Variants in XKR6 observed in about 807,000 individuals in gnomAD.
XKR6 encodes XK-related protein 6.
Under a neutral mutation model 56.7 loss-of-function variants are expected in XKR6, and 22 were observed. That is an observed-to-expected ratio of 0.39 (90% CI 0.28 to 0.55). The LOEUF is 0.55. XKR6 is among the 20% of genes least tolerant of loss of function. The pLI is 0.66. For synonymous variants in XKR6, 524 were observed against 387.8 expected, an observed-to-expected ratio of 1.35 and a Z score of -4.13; for missense variants, 852 against 889.0, an observed-to-expected ratio of 0.96 and a Z score of 0.53.
At chr8:11,118,702 CTTCTT>C (rs1471334466) in intron 1 of XKR6, among the ~76,000 whole-genome samples, 9 of 152,022 alleles carry the variant, frequency 5.9e-5, no homozygotes, top group Non-Finnish European at 1.3e-4. Context: ...TCTCTCTTTT[CTTCTT>C]TATTAGTCTT....
intron 1 of XKR6, among the ~76,000 whole-genome samples, chr8:11,072,925 C>T (rs1800171028): frequency 6.6e-6 from 1 of 152,196 alleles, no homozygotes; most frequent in South Asian, 2.1e-4. Context: ...TGGCGGGTGC[C>T]TGTAATCCCA....
In XKR6 at chr8:11,117,145, T is replaced by A. The variant is rs116015674; in HGVS notation, c.764+83431A>T. The stretch of plus-strand genomic sequence containing the variant: ...ACATTCAACGTCAAAGATATTTTCA[T>A]GAAAAACTGTTTCCTTAGTTTAGAC... On this transcript the variant is annotated intron_variant, in intron 1 of 2. Transcript: ENST00000416569. Among the ~76,000 whole-genome samples the A allele has an allele frequency of 5.7e-3, 866 of 152,348 alleles. 11 individuals carry two copies. The highest frequency in any genetic ancestry group is 0.02 in the African/African-American group (835 of 41,596).
At chr8:11,074,533 G>A (rs757465250) in intron 1 of XKR6, among the ~76,000 whole-genome samples, 5 of 152,188 alleles carry the variant, frequency 3.3e-5, no homozygotes, top group Non-Finnish European at 7.3e-5. Flanking sequence ...AGAAAGAAAT[G>A]AAGGTGATTA....
intron 1 of XKR6, chr8:11,123,964 C>G: frequency 2.2e-6 from 1 of 456,138 alleles, no homozygotes; most frequent in South Asian, 1.5e-5. Context: ...CCAGTGCTAC[C>G]TGCTCAGAGG....
chr8:10,969,399 C>T lies in XKR6; in HGVS notation c.765-44569G>A, dbSNP rs147455265. ...CACCCAGTGGTATCCAAAGGAACTC[C>T]GGGAAAAGGACTGTCCAGGAATAGA... On this transcript the variant is annotated intron_variant, in intron 1 of 2. Coordinates refer to ENST00000416569, the MANE Select transcript of XKR6 (RefSeq NM_173683.4). Among the ~76,000 whole-genome samples the T allele has an allele frequency of 3.1e-3, 476 of 152,190 alleles. 2 individuals carry two copies. Among genetic ancestry groups the T allele is most frequent in the Non-Finnish European group, 5.1e-3 (350 of 68,018 alleles).
rs1056608943 is a variant in XKR6 at position 10,957,815 on chromosome 8, A to T, written c.765-32985T>A. Among the ~76,000 whole-genome samples, 3 of 152,164 alleles carry T rather than the reference A, an allele frequency of 2.0e-5. No homozygotes were observed. In the East Asian group the frequency reaches 5.8e-4, roughly 29 times the overall value. On this transcript the variant is annotated intron_variant, in intron 1 of 2. Transcript: ENST00000416569. ...GGGAGTGGGGAAATCCACACAGATC[A>T]TGTTGGTTTGGGTCCAGAAACTTGA...
chr8:10,906,462 C>A (rs762166590), intron 2 of XKR6, among the ~76,000 whole-genome samples: 2 of 152,156 alleles, frequency 1.3e-5, no homozygotes, highest in African/African-American at 4.8e-5. Flanking sequence ...TACCTTAGTG[C>A]TAATGAGAAA....
intron 1 of XKR6, among the ~76,000 whole-genome samples, chr8:11,026,168 G>C (rs1313138303): frequency 6.6e-6 from 1 of 152,038 alleles, no homozygotes; most frequent in Admixed American, 6.5e-5. Flanking sequence ...GACACACCTA[G>C]ATGGTCTAGC....
intron 1 of XKR6, among the ~76,000 whole-genome samples, chr8:11,151,971 T>A (rs1235077763): frequency 2.0e-5 from 3 of 152,192 alleles, no homozygotes; most frequent in African/African-American, 7.2e-5. Context: ...GACTGAATAC[T>A]ACTTAGAGTC....
chr8:10,959,747 C>T (rs1223669824), intron 1 of XKR6, among the ~76,000 whole-genome samples: 2 of 152,152 alleles, frequency 1.3e-5, no homozygotes, highest in Non-Finnish European at 2.9e-5. Flanking sequence ...AACATTCTGT[C>T]CAGAGCATCC....
chr8:10,917,800 G>A (rs901585269), intron 2 of XKR6, among the ~76,000 whole-genome samples: 5 of 152,200 alleles, frequency 3.3e-5, no homozygotes, highest in African/African-American at 4.8e-5. Context: ...CTCACTAACT[G>A]AGTCCGTCAC....
chr8:10,911,663 C>T (rs1405480933), intron 2 of XKR6, among the ~76,000 whole-genome samples: 1 of 125,704 alleles, frequency 8.0e-6, no homozygotes. Flanking sequence ...ATATATATAT[C>T]TATAAAGAGA....
intron 1 of XKR6, among the ~76,000 whole-genome samples, chr8:11,061,570 G>A (rs548175219): frequency 2.0e-5 from 3 of 152,214 alleles, no homozygotes; most frequent in Non-Finnish European, 4.4e-5. Context: ...GCCTGTCTGG[G>A]TGAGTGTCTC....
chr8:11,166,113 T>A (rs1048534829), intron 1 of XKR6, among the ~76,000 whole-genome samples: 1 of 151,984 alleles, frequency 6.6e-6, no homozygotes, highest in Admixed American at 6.6e-5. Flanking sequence ...CATGCCACCA[T>A]GCCCAGCTAA....
intron 1 of XKR6, among the ~76,000 whole-genome samples, chr8:10,944,351 A>G (rs1163276059): frequency 6.6e-6 from 1 of 152,196 alleles, no homozygotes; most frequent in African/African-American, 2.4e-5. Flanking sequence ...TGAACCCACA[A>G]CGAGACAGGT....
At chr8:11,132,446 T>C (rs922832475) in intron 1 of XKR6, among the ~76,000 whole-genome samples, 4 of 151,888 alleles carry the variant, frequency 2.6e-5, no homozygotes, top group Non-Finnish European at 5.9e-5. Flanking sequence ...CACTGCAACC[T>C]CCGCCTCCCA....
At chr8:10,904,333 C>A (rs1327005973) in intron 2 of XKR6, among the ~76,000 whole-genome samples, 1 of 152,136 alleles carries the variant, frequency 6.6e-6, no homozygotes. Context: ...GGAGAAAGGG[C>A]CTTTGGGCTC....
At chr8:10,950,997 A>C (rs1801701177) in intron 1 of XKR6, among the ~76,000 whole-genome samples, 1 of 147,100 alleles carries the variant, frequency 6.8e-6, no homozygotes, top group African/African-American at 2.5e-5. Flanking sequence ...TCCAGGACTG[A>C]CTGTGGCCCC....
intron 1 of XKR6, among the ~76,000 whole-genome samples, chr8:10,937,756 G>A (rs1227399115): frequency 5.3e-5 from 8 of 149,728 alleles, no homozygotes; most frequent in South Asian, 2.2e-4. Context: ...CAGTCTGCCC[G>A]TTCTCAGATC....
Sources: gnomAD v4.1 joint callset for allele counts (sites outside exome capture counted in the v4.1 genomes callset) on GRCh38, gnomAD v4.1.1 for gene constraint, MANE v1.5 for transcripts, NCBI Gene and HGNC (gene_info 2026-07-23, HGNC 2026-07-21) for gene names.